Variants in TENM4 observed in about 807,000 individuals in gnomAD.
TENM4 encodes teneurin transmembrane protein 4, also known as teneurin-4.
Under a neutral mutation model 243.3 loss-of-function variants are expected in TENM4, and 82 were observed. That is an observed-to-expected ratio of 0.34 (90% CI 0.28 to 0.40). The LOEUF is 0.40. Ranked by LOEUF, TENM4 falls within the 10% of genes least tolerant of loss-of-function variation. The pLI is 1.00. For synonymous variants in TENM4, 1,412 were observed against 1,456.3 expected, an observed-to-expected ratio of 0.97 and a Z score of 0.69; for missense variants, 3,138 against 3,673.3, an observed-to-expected ratio of 0.85 and a Z score of 3.77.
At chr11:79,394,992 C>T (rs1242289528) in intron 1 of TENM4, among the ~76,000 whole-genome samples, 2 of 152,226 alleles carry the variant, frequency 1.3e-5, no homozygotes, top group African/African-American at 4.8e-5. Context: ...AAGGAGCCAA[C>T]ATTGCCAACA....
At chr11:78,933,673 T>C (rs1415838746) in intron 6 of TENM4, among the ~76,000 whole-genome samples, 2 of 152,162 alleles carry the variant, frequency 1.3e-5, no homozygotes, top group African/African-American at 4.8e-5. Flanking sequence ...CCAAGGAGGT[T>C]CACTCTGGGG....
intron 2 of TENM4, among the ~76,000 whole-genome samples, chr11:79,218,658 T>G (rs4945334): frequency 0.48 from 73,053 of 151,882 alleles, 20,207 homozygotes; most frequent in East Asian, 0.93. Context: ...TTGCCAAGGC[T>G]TCAGGGAAAA....
chr11:78,952,920 G>T (rs1392091875), intron 6 of TENM4, among the ~76,000 whole-genome samples: 1 of 152,180 alleles, frequency 6.6e-6, no homozygotes, highest in Non-Finnish European at 1.5e-5. Flanking sequence ...TTCCCCCAAG[G>T]TTCCACTGGG....
chr11:78,988,481 C>T (rs1459940104), intron 6 of TENM4, among the ~76,000 whole-genome samples: 1 of 152,206 alleles, frequency 6.6e-6, no homozygotes, highest in African/African-American at 2.4e-5. Flanking sequence ...AAAACTAATG[C>T]ATAAGGCCTA....
At chr11:79,317,308 T>C (rs952165541) in intron 1 of TENM4, among the ~76,000 whole-genome samples, 2 of 152,206 alleles carry the variant, frequency 1.3e-5, no homozygotes, top group Non-Finnish European at 2.9e-5. Context: ...TAATGAGCCA[T>C]GAAGTCAGCT....
chr11:79,232,097 CAAACAAAACA>C (rs1292037245), intron 2 of TENM4, among the ~76,000 whole-genome samples: 1 of 151,984 alleles, frequency 6.6e-6, no homozygotes, highest in Non-Finnish European at 1.5e-5. Flanking sequence ...AAAGAAAAAG[CAAACAAAACA>C]AAACAAAACA....
At chr11:78,910,009 C>A (rs1013169476) in intron 6 of TENM4, among the ~76,000 whole-genome samples, 2 of 152,144 alleles carry the variant, frequency 1.3e-5, no homozygotes, top group African/African-American at 4.8e-5. Context: ...CAGGGTGCCT[C>A]CCTCGTGGAA....
At chr11:79,244,000 G>A (rs1013587400) in intron 2 of TENM4, among the ~76,000 whole-genome samples, 6 of 152,302 alleles carry the variant, frequency 3.9e-5, no homozygotes, top group Non-Finnish European at 5.9e-5. Flanking sequence ...ACAAGCTCCC[G>A]TGATGCTGAT....
chr11:79,239,449 A>G (rs978527021), intron 2 of TENM4, among the ~76,000 whole-genome samples: 2 of 152,126 alleles, frequency 1.3e-5, no homozygotes, highest in African/African-American at 4.8e-5. Context: ...CATTTTATAG[A>G]TGAGATGAAC....
chr11:79,287,358 T>C (rs1310532363), intron 2 of TENM4, among the ~76,000 whole-genome samples: 1 of 152,138 alleles, frequency 6.6e-6, no homozygotes, highest in Non-Finnish European at 1.5e-5. Flanking sequence ...GTAGAAAGTA[T>C]TGGGTACGGA....
chr11:78,840,176 C>T (rs935884112), intron 12 of TENM4, among the ~76,000 whole-genome samples: 5 of 152,134 alleles, frequency 3.3e-5, no homozygotes, highest in African/African-American at 7.2e-5. Flanking sequence ...CAAGGAATAG[C>T]GTGCACTTAC....
chr11:79,210,459 A>T (rs1565251403), intron 3 of TENM4, among the ~76,000 whole-genome samples: 1 of 152,240 alleles, frequency 6.6e-6, no homozygotes, highest in Non-Finnish European at 1.5e-5. Context: ...GTCTGGAAAG[A>T]TACAACAGAA....
At chr11:79,002,944 A>C (rs1858371702) in intron 6 of TENM4, among the ~76,000 whole-genome samples, 1 of 152,210 alleles carries the variant, frequency 6.6e-6, no homozygotes, top group Admixed American at 6.5e-5. Context: ...CCATTTTAAG[A>C]AAGAACCAAA....
At chr11:79,250,912 T>A (rs1855598990) in intron 2 of TENM4, among the ~76,000 whole-genome samples, 1 of 152,226 alleles carries the variant, frequency 6.6e-6, no homozygotes, top group Non-Finnish European at 1.5e-5. Flanking sequence ...AAGGATCCAC[T>A]AGTGGTGCTT....
intron 12 of TENM4, among the ~76,000 whole-genome samples, chr11:78,837,054 T>C (rs1303476095): frequency 6.6e-6 from 1 of 152,138 alleles, no homozygotes; most frequent in Non-Finnish European, 1.5e-5. Context: ...TCTTAGAAAA[T>C]CCTAGCTCTT....
chr11:79,390,064 C>A (rs191906914), intron 1 of TENM4, among the ~76,000 whole-genome samples: 30 of 152,306 alleles, frequency 2.0e-4, no homozygotes, highest in African/African-American at 6.0e-4. Flanking sequence ...GCCAGGGAAG[C>A]AGCCATCGTT....
intron 2 of TENM4, among the ~76,000 whole-genome samples, chr11:79,219,723 C>A (rs1005339359): frequency 6.6e-6 from 1 of 152,202 alleles, no homozygotes; most frequent in Non-Finnish European, 1.5e-5. Context: ...GTACCTGACA[C>A]AACCGTCTTT....
At chr11:78,665,171 CT>C (rs1212143129) in intron 32 of TENM4, among the ~76,000 whole-genome samples, 2 of 151,450 alleles carry the variant, frequency 1.3e-5, no homozygotes, top group Non-Finnish European at 2.9e-5. Flanking sequence ...CTTTCTTTCT[CT>C]TTCTTTTCTT....
chr11:79,279,925 T>C (rs760051316), intron 2 of TENM4, among the ~76,000 whole-genome samples: 9 of 152,284 alleles, frequency 5.9e-5, no homozygotes, highest in Non-Finnish European at 1.2e-4. Flanking sequence ...GTGAATAGAT[T>C]AGTGCCTTAT....
Sources: gnomAD v4.1 joint callset for allele counts (sites outside exome capture counted in the v4.1 genomes callset) on GRCh38, gnomAD v4.1.1 for gene constraint, MANE v1.5 for transcripts, NCBI Gene and HGNC (gene_info 2026-07-23, HGNC 2026-07-21) for gene names.